OTOGL: variants seen among roughly 807,000 people sequenced by gnomAD.
OTOGL encodes the protein otogelin like.
In OTOGL, 285 loss-of-function variants were observed where a neutral mutation model predicts 318.5. That is an observed-to-expected ratio of 0.89 (90% confidence interval 0.81 to 0.99). The LOEUF (loss-of-function observed/expected upper bound fraction) is 0.99. Ranked by LOEUF, OTOGL falls within the 50% of genes least tolerant of loss-of-function variation. OTOGL has a pLI of 0.00. For missense variants in OTOGL, 2,899 were observed against 2,845.6 expected (o/e 1.02, Z -0.43); for synonymous variants, 987 against 936.5 (o/e 1.05, Z -0.99).
chr12:80,172,715 G>A (rs59986878), intron 1 of OTOGL, among the ~76,000 whole-genome samples: 9,180 of 151,978 alleles, frequency 0.06, 856 homozygotes, highest in African/African-American at 0.2. Flanking sequence ...TAAAAAGAAC[G>A]AGATCATATC....
chr12:80,206,911 A>G (rs1876851938), intron 1 of OTOGL, among the ~76,000 whole-genome samples: 1 of 151,968 alleles, frequency 6.6e-6, no homozygotes, highest in African/African-American at 2.4e-5. Flanking sequence ...GAACTTTTCA[A>G]CTTTATTCAG....
chr12:80,213,566 A>G (rs559101043), intron 4 of OTOGL, among the ~76,000 whole-genome samples: 1 of 152,304 alleles, frequency 6.6e-6, no homozygotes, highest in South Asian at 2.1e-4. Flanking sequence ...GAATAGGCAA[A>G]GGGTTGTCTA....
chr12:80,240,620 A>G (rs1160799037), intron 11 of OTOGL, among the ~76,000 whole-genome samples: 1 of 150,180 alleles, frequency 6.7e-6, no homozygotes, highest in Non-Finnish European at 1.5e-5. Flanking sequence ...CATATGAGAC[A>G]TGTGACAAAG....
chr12:80,267,277 G>T lies in OTOGL; in HGVS notation c.2415G>T (p.Arg805Ser). ...VPIFHCRCHY[R>S]GSVYQPGELI... Reference sequence around the variant, plus strand: ...GATTCCACTGCCGTTGTCATTATAGGGGCAGTGTTTATCAACCTGGAGAGC... The same window carrying T: ...GATTCCACTGCCGTTGTCATTATAGTGGCAGTGTTTATCAACCTGGAGAGC... Residue 805 changes from arginine (R) to serine (S), a missense_variant, in exon 22 of 59, where the codon AGG becomes AGT. Physicochemically the swap from Arg to Ser is moderately radical, Grantham distance 110. Transcript: ENST00000547103. The T allele has an allele frequency of 6.4e-7, 1 of 1,562,744 alleles. No individual in the cohort carries two copies. The highest frequency in any genetic ancestry group is 8.8e-7 in the Non-Finnish European group (1 of 1,142,732).
At position 80,368,225 on chromosome 12, in the gene OTOGL, C is replaced by A. The variant is rs572683701; in HGVS notation, c.6531C>A (p.Ser2177=). The part of the protein sequence containing the change: ...KCDVHQVYTP[S]PSDYGCCGTC... ...TGCAGCACCAGGTATATACTCCATC[C>A]CCAAGTGATTATGGTTGTTGTGGTA... Residue 2177 remains serine, a synonymous_variant, in exon 55 of 59, where the codon TCC becomes TCA. Transcript: ENST00000547103. The A allele has an allele frequency of 1.2e-6, 2 of 1,600,728 alleles. No homozygotes were observed. Among genetic ancestry groups the A allele is most frequent in the African/African-American group, 2.7e-5 (2 of 74,826 alleles).
intron 12 of OTOGL, 138 bp from the exon 13 acceptor site, chr12:80,251,938 T>G: frequency 8.3e-7 from 1 of 1,199,462 alleles, no homozygotes; most frequent in Non-Finnish European, 1.1e-6. Flanking sequence ...TGCATACTTT[T>G]TGAAACAAGT....
In OTOGL at chr12:80,116,877, A is replaced by G. The variant is rs148688617; in HGVS notation, c.-20+17272A>G. Among the ~76,000 whole-genome samples, 224 of 152,312 alleles carry G rather than the reference A, an allele frequency of 1.5e-3. 1 individual carries two copies. Among genetic ancestry groups the G allele is most frequent in the African/African-American group, 5.0e-3 (209 of 41,584 alleles). ...ATTTATCAATGAACTCTCATCTGTCATTGCTCAAATAATTCCATAAAGTGT... is the reference window on the plus strand; with the variant it reads ...ATTTATCAATGAACTCTCATCTGTCGTTGCTCAAATAATTCCATAAAGTGT... On this transcript the variant is annotated intron_variant, in intron 1 of 58. Coordinates refer to ENST00000547103, the MANE Select transcript of OTOGL (RefSeq NM_001378609.3).
chr12:80,112,701 T>C (rs995252051), intron 1 of OTOGL, among the ~76,000 whole-genome samples: 1 of 139,050 alleles, frequency 7.2e-6, no homozygotes, highest in Non-Finnish European at 1.6e-5. Context: ...TTGCCTGAAA[T>C]TTTCTTTCTT....
intron 38 of OTOGL, 43 bp from the exon 39 acceptor site, chr12:80,335,920 T>A (rs1177635798): frequency 1.4e-6 from 2 of 1,461,852 alleles, no homozygotes; most frequent in Non-Finnish European, 1.8e-6. Context: ...TTAAAAACAT[T>A]AGCTGAGAAT....
Position 80,302,711 on chromosome 12 carries a change from T to C in OTOGL, c.3141T>C (p.Phe1047=), listed in dbSNP as rs1171933080. 1 of 1,538,134 alleles carries C rather than the reference T, an allele frequency of 6.5e-7. No homozygotes were observed. Residue 1047 remains phenylalanine, a synonymous_variant, in exon 28 of 59, where the codon TTT becomes TTC. Coordinates refer to ENST00000547103, the MANE Select transcript of OTOGL (RefSeq NM_001378609.3). ...WKAGYYIVVY[F]PEKDITILWD... ...CTGGTTACTATATAGTAGTATACTT[T>C]CCAGAGAAAGATATCACTATTCTTT...
chr12:80,188,763 G>T (rs1181843076), intron 1 of OTOGL, among the ~76,000 whole-genome samples: 1 of 152,016 alleles, frequency 6.6e-6, no homozygotes, highest in Non-Finnish European at 1.5e-5. Flanking sequence ...AAGCCATCTG[G>T]TATATCCAAA....
intron 1 of OTOGL, among the ~76,000 whole-genome samples, chr12:80,121,041 C>T (rs769812858): frequency 1.4e-4 from 22 of 152,118 alleles, no homozygotes; most frequent in African/African-American, 4.3e-4. Flanking sequence ...GGCCGAGCTC[C>T]TTGCTTCAAT....
chr12:80,367,928 A>G (rs1216280096), intron 54 of OTOGL, among the ~76,000 whole-genome samples, 189 bp downstream of exon 54: 1 of 152,144 alleles, frequency 6.6e-6, no homozygotes, highest in Non-Finnish European at 1.5e-5. Flanking sequence ...CTTGAACTTC[A>G]GGAGTCTTAT....
intron 35 of OTOGL, among the ~76,000 whole-genome samples, chr12:80,327,519 G>C (rs947797699): frequency 8.5e-5 from 13 of 152,138 alleles, no homozygotes. Flanking sequence ...CTTCCACCTA[G>C]AGATCACTAA....
intron 32 of OTOGL, among the ~76,000 whole-genome samples, chr12:80,316,996 A>G (rs1450039878): frequency 6.6e-6 from 1 of 152,206 alleles, no homozygotes; most frequent in Non-Finnish European, 1.5e-5. Context: ...AGAATTTTAA[A>G]AAGTAGTAGA....
intron 37 of OTOGL, among the ~76,000 whole-genome samples, chr12:80,330,913 A>G (rs951314987): frequency 9.8e-5 from 15 of 152,380 alleles, no homozygotes; most frequent in African/African-American, 3.1e-4. Flanking sequence ...CTTAGAATAT[A>G]TGTAGCAAAA....
chr12:80,299,186 T>C (rs1414246268), intron 27 of OTOGL, among the ~76,000 whole-genome samples: 2 of 152,190 alleles, frequency 1.3e-5, no homozygotes, highest in Non-Finnish European at 2.9e-5. Flanking sequence ...ACATTGAAAC[T>C]AACTGGGTAG....
rs777526981 is a variant in OTOGL at position 80,358,746 on chromosome 12, C to G, written c.6197C>G (p.Ser2066Cys). Residue 2066 changes from serine to cysteine, a missense_variant, in exon 51 of 59, where the codon TCT becomes TGT. Transcript: ENST00000547103. ...ATGAATCTTGTGAAAGAAAATGTAT[C>G]TGGTCAATGTTGCCCAACATGGCAC... Reference protein sequence around the residue: ...EDMNLVKENVSGQCCPTWHCE... With the variant: ...EDMNLVKENVCGQCCPTWHCE... 1 of 1,611,918 alleles carries G rather than the reference C, an allele frequency of 6.2e-7. No homozygotes were observed. The highest frequency in any genetic ancestry group is 1.7e-4 in the Middle Eastern group (1 of 6,056).
intron 31 of OTOGL, among the ~76,000 whole-genome samples, 157 bp from the exon 32 acceptor site, chr12:80,314,148 G>A (rs186496569): frequency 6.6e-6 from 1 of 152,034 alleles, no homozygotes; most frequent in African/African-American, 2.4e-5. Context: ...ACAGCATATC[G>A]CTTAAAGAAT....
Sources: gnomAD v4.1 joint callset for allele counts (sites outside exome capture counted in the v4.1 genomes callset) on GRCh38, gnomAD v4.1.1 for gene constraint, MANE v1.5 for transcripts, NCBI Gene and HGNC (gene_info 2026-07-23, HGNC 2026-07-21) for gene names.